ZNF724: variants seen among roughly 807,000 people sequenced by gnomAD.
The protein encoded by ZNF724 is zinc finger protein 724.
A neutral mutation model predicts 29.3 loss-of-function variants in ZNF724; 14 were observed. The observed-to-expected ratio is 0.48, with a 90% CI of 0.32 to 0.75. The LOEUF (loss-of-function observed/expected upper bound fraction) is 0.75, where lower values mean the gene tolerates loss of function less well. Ranked by LOEUF, ZNF724 falls within the 30% of genes least tolerant of loss-of-function variation. The pLI, the probability that ZNF724 is intolerant of heterozygous loss-of-function variation, is 0.04. For synonymous variants in ZNF724, 180 were observed against 193.6 expected (o/e 0.93, Z 0.58); for missense variants, 557 against 571.2 (o/e 0.98, Z 0.25).
intron 1 of ZNF724, among the ~76,000 whole-genome samples, chr19:23,240,302 A>T (rs1432358460): frequency 6.7e-6 from 1 of 148,634 alleles, no homozygotes; most frequent in African/African-American, 2.5e-5. Context: ...AAAAAAAAAG[A>T]TAAGGACAAA....
chr19:23,230,434 A>G (rs376276126), intron 3 of ZNF724, among the ~76,000 whole-genome samples: 19 of 152,324 alleles, frequency 1.2e-4, no homozygotes, highest in African/African-American at 4.3e-4. Flanking sequence ...AATCTTGAGG[A>G]AAAAGAACAA....
rs111888757 is a variant in ZNF724 at position 23,241,513 on chromosome 19, C to G, written c.3+8727G>C. On this transcript the variant is annotated intron_variant, in intron 1 of 3. Coordinates refer to ENST00000418100, the MANE Select transcript of ZNF724 (RefSeq NM_001355404.2). The stretch of plus-strand genomic sequence containing the variant: ...AATCCTCAACAAAATATGGGCAAAC[C>G]AAATCCAGCAGCACATCAAAAAGCT... Among the ~76,000 whole-genome samples the G allele has an allele frequency of 7.0e-3, 1,072 of 152,228 alleles. 7 individuals carry two copies. Among genetic ancestry groups the G allele is most frequent in the African/African-American group, 0.024 (980 of 41,532 alleles).
chr19:23,228,641 T>C (rs1971881631), intron 3 of ZNF724, among the ~76,000 whole-genome samples: 1 of 151,966 alleles, frequency 6.6e-6, no homozygotes, highest in Non-Finnish European at 1.5e-5. Context: ...GGCTCACACC[T>C]GTAATCCCAG....
intron 1 of ZNF724, among the ~76,000 whole-genome samples, chr19:23,244,514 A>C (rs1403950205): frequency 3.3e-5 from 5 of 152,180 alleles, no homozygotes; most frequent in African/African-American, 1.2e-4. Flanking sequence ...TGGAATCAGA[A>C]AACAATGGGC....
rs147829636 is a variant in ZNF724 at position 23,225,264 on chromosome 19, G to A, written c.227-1246C>T. Among the ~76,000 whole-genome samples, 220 of 152,096 alleles carry A rather than the reference G, an allele frequency of 1.4e-3. 3 individuals are homozygous for A. The highest frequency in any genetic ancestry group is 7.5e-3 in the East Asian group (39 of 5,180). ...CCCAGATGTCTTTTGATTCATAAAC[G>A]TATCAAAAAATGTGACATATACATA... On this transcript the variant is annotated intron_variant, in intron 3 of 3. Coordinates refer to ENST00000418100, the MANE Select transcript of ZNF724 (RefSeq NM_001355404.2).
intron 1 of ZNF724, among the ~76,000 whole-genome samples, chr19:23,237,087 A>C (rs191258085): frequency 6.6e-6 from 1 of 152,210 alleles, no homozygotes; most frequent in East Asian, 1.9e-4. Context: ...TCCTGACCTC[A>C]AGTGATCTGT....
At chr19:23,239,864 T>C in intron 1 of ZNF724, among the ~76,000 whole-genome samples, 1 of 147,004 alleles carries the variant, frequency 6.8e-6, no homozygotes, top group South Asian at 2.1e-4. Context: ...AGACAAGAAA[T>C]AACCAAAATT....
intron 1 of ZNF724, among the ~76,000 whole-genome samples, chr19:23,233,152 A>G (rs897108704): frequency 3.3e-5 from 5 of 152,286 alleles, no homozygotes; most frequent in Non-Finnish European, 4.4e-5. Context: ...ATTCAACCAT[A>G]TGGAAACATC....
intron 1 of ZNF724, among the ~76,000 whole-genome samples, chr19:23,238,147 C>T (rs765782549): frequency 1.3e-5 from 2 of 152,066 alleles, no homozygotes; most frequent in Non-Finnish European, 2.9e-5. Context: ...GGGCGGATCA[C>T]GAGGTCAGGA....
At chr19:23,231,786 T>C (rs2145779415) in intron 2 of ZNF724, among the ~76,000 whole-genome samples, 1 of 151,890 alleles carries the variant, frequency 6.6e-6, no homozygotes, top group Non-Finnish European at 1.5e-5. Context: ...CAGGCTGGAG[T>C]ACAGTGGTAC....
In ZNF724 at chr19:23,222,364, A is replaced by C. The variant is rs1038744995; in HGVS notation, c.*21T>G. 3.2e-6 allele frequency: 3 copies of C among 948,108 alleles called. No individual in the cohort carries two copies. The highest frequency in any genetic ancestry group is 1.6e-6 in the Non-Finnish European group (1 of 612,138). The allele number at this position is 948,108 out of a possible 1,614,324, so 58.7% of individuals were successfully genotyped here. A position where few individuals can be genotyped will look rare whatever the true frequency, so the allele number is the denominator to read the frequency against. On this transcript the variant is annotated 3_prime_UTR_variant, in exon 4 of 4. Transcript: ENST00000418100. The stretch of plus-strand genomic sequence containing the variant: ...AGTGCTGGGATTACAGGTGTGAGCC[A>C]CCACGCCTGGTCCATTTTTCTTATT...
At chr19:23,224,543 T>A (rs560439053) in intron 3 of ZNF724, among the ~76,000 whole-genome samples, 9 of 152,044 alleles carry the variant, frequency 5.9e-5, no homozygotes, top group East Asian at 1.9e-4. Flanking sequence ...ATGAGTTAAG[T>A]GTGTACAGTG....
chr19:23,237,996 T>C (rs1233594119), intron 1 of ZNF724, among the ~76,000 whole-genome samples: 3 of 152,208 alleles, frequency 2.0e-5, no homozygotes, highest in Non-Finnish European at 4.4e-5. Context: ...CTAAGTTTAA[T>C]CCTATCTTTG....
intron 3 of ZNF724, 26 bp downstream of exon 3, chr19:23,231,240 C>G: frequency 7.9e-7 from 1 of 1,272,986 alleles, no homozygotes; most frequent in Non-Finnish European, 1.1e-6. Flanking sequence ...TCATCTGTGT[C>G]ATCTGTCATA....
chr19:23,233,362 C>T (rs972575649), intron 1 of ZNF724, among the ~76,000 whole-genome samples: 4 of 152,016 alleles, frequency 2.6e-5, no homozygotes, highest in African/African-American at 9.7e-5. Flanking sequence ...GTAATAAATG[C>T]CATCCTGTTT....
chr19:23,242,101 A>G (rs1972133991), intron 1 of ZNF724, among the ~76,000 whole-genome samples: 1 of 152,220 alleles, frequency 6.6e-6, no homozygotes, highest in Admixed American at 6.5e-5. Context: ...CAAAAGCCAA[A>G]TCAAAAACAC....
At chr19:23,236,755 TAA>T (rs1273848239) in intron 1 of ZNF724, 1 of 152,234 alleles carries the variant, frequency 6.6e-6, no homozygotes, top group Non-Finnish European at 1.5e-5. Context: ...CAAAATTTTA[TAA>T]AGTTTCTCTT....
At chr19:23,242,268 A>T (rs1281341679) in intron 1 of ZNF724, among the ~76,000 whole-genome samples, 1 of 152,186 alleles carries the variant, frequency 6.6e-6, no homozygotes, top group African/African-American at 2.4e-5. Context: ...ATGGACAGAG[A>T]AGATCAATAT....
At chr19:23,234,995 C>T (rs905359273) in intron 1 of ZNF724, among the ~76,000 whole-genome samples, 1 of 152,190 alleles carries the variant, frequency 6.6e-6, no homozygotes, top group African/African-American at 2.4e-5. Context: ...ATGAAGACAA[C>T]AAATCTCCAT....
Sources: gnomAD v4.1 joint callset for allele counts (sites outside exome capture counted in the v4.1 genomes callset) on GRCh38, gnomAD v4.1.1 for gene constraint, MANE v1.5 for transcripts, NCBI Gene and HGNC (gene_info 2026-07-23, HGNC 2026-07-21) for gene names.